The following ARHGAP23 variants were observed in gnomAD, a reference collection of about 807,000 sequenced individuals.
ARHGAP23 encodes Rho GTPase activating protein 23, also known as rho GTPase-activating protein 23.
A neutral mutation model predicts 136.3 loss-of-function variants in ARHGAP23; 34 were observed. That is an observed-to-expected ratio of 0.25 (90% CI 0.19 to 0.33). The LOEUF is 0.33. Ranked by LOEUF, ARHGAP23 falls within the 10% of genes least tolerant of loss-of-function variation. The probability of loss-of-function intolerance (pLI) is 1.00; values close to 1 mark genes in which losing one functional copy is unlikely to be tolerated. For missense variants in ARHGAP23, 1,808 were observed against 2,139.0 expected (o/e 0.85, Z 3.05); for synonymous variants, 832 against 920.5 (o/e 0.90, Z 1.74).
At chr17:38,498,636 C>T (rs1340229283) in intron 22 of ARHGAP23, 126 bp downstream of exon 22, 4 of 800,160 alleles carry the variant, frequency 5.0e-6, no homozygotes, top group Non-Finnish European at 5.7e-6. Context: ...CTGCCGGCCA[C>T]CATGGAGATG....
intron 23 of ARHGAP23, among the ~76,000 whole-genome samples, chr17:38,509,252 T>C (rs899264239): frequency 6.6e-6 from 1 of 151,422 alleles, no homozygotes; most frequent in African/African-American, 2.4e-5. Flanking sequence ...CAACTTGGGG[T>C]TGGAAATCAC....
chr17:38,499,844 T>C (rs996719134), intron 22 of ARHGAP23, among the ~76,000 whole-genome samples: 1 of 152,066 alleles, frequency 6.6e-6, no homozygotes, highest in African/African-American at 2.4e-5. Context: ...GCTCCTTCTT[T>C]AGCCTTGGAG....
At chr17:38,461,034 C>G in intron 3 of ARHGAP23, 102 bp downstream of exon 3, 2 of 1,480,102 alleles carry the variant, frequency 1.4e-6, no homozygotes, top group East Asian at 2.5e-5. Flanking sequence ...TCTGTGCCCC[C>G]CTCCCTTGAC....
chr17:38,482,288 G>T, intron 15 of ARHGAP23, 145 bp downstream of exon 15: 3 of 1,409,796 alleles, frequency 2.1e-6, no homozygotes, highest in Non-Finnish European at 2.8e-6. Context: ...GAAGGCCCCC[G>T]CCTGCCCCGG....
At position 38,510,114 on chromosome 17, in the gene ARHGAP23, G is replaced by A; in HGVS notation, c.3618G>A (p.Ala1206=). The A allele has an allele frequency of 2.4e-6, 3 of 1,258,474 alleles. No homozygotes were observed. The highest frequency in any genetic ancestry group is 2.0e-6 in the Non-Finnish European group (2 of 1,006,906). The allele number at this position is 1,258,474 out of a possible 1,614,324, so 78.0% of individuals were successfully genotyped here. A position where few individuals can be genotyped will look rare whatever the true frequency, so the allele number is the denominator to read the frequency against. Residue 1206 remains alanine, a synonymous_variant, in exon 24 of 24, where the codon GCG becomes GCA. Transcript: ENST00000622683. This position sits in a 1 kb window ranked among gnomAD's most constrained non-coding sequence, Gnocchi z 4.6. ...EAHKPGAGAT[A]PGTQERPQGP... is the part of the protein sequence containing the mutation. ...ACAAGCCTGGGGCGGGGGCCACAGC[G>A]CCGGGGACTCAGGAGCGGCCGCAGG...
At chr17:38,460,841 C>T in intron 2 of ARHGAP23, 64 bp from the exon 3 acceptor site, 34 of 1,535,970 alleles carry the variant, frequency 2.2e-5, no homozygotes, top group Non-Finnish European at 2.9e-5. Flanking sequence ...CCCACTGGAG[C>T]TGGGCCACCC....
chr17:38,507,163 ACT>A (rs1478636845), intron 23 of ARHGAP23, among the ~76,000 whole-genome samples: 1 of 151,782 alleles, frequency 6.6e-6, no homozygotes, highest in African/African-American at 2.4e-5. Context: ...AATCCCAGCT[ACT>A]CGGGAGGCTG....
intron 23 of ARHGAP23, among the ~76,000 whole-genome samples, chr17:38,502,434 C>T (rs1685189447): frequency 6.6e-6 from 1 of 152,226 alleles, no homozygotes; most frequent in Non-Finnish European, 1.5e-5. Flanking sequence ...GATAATACCA[C>T]AAATACTTGT....
intron 1 of ARHGAP23, among the ~76,000 whole-genome samples, chr17:38,429,394 A>C (rs1277338103): frequency 6.6e-6 from 1 of 152,144 alleles, no homozygotes; most frequent in African/African-American, 2.4e-5. Context: ...CCCTGCTCCT[A>C]AGTTGAAGGG....
chr17:38,449,335 C>G (rs545407174), intron 1 of ARHGAP23, among the ~76,000 whole-genome samples: 1 of 152,318 alleles, frequency 6.6e-6, no homozygotes, highest in Non-Finnish European at 1.5e-5. Context: ...GGAACCATCC[C>G]CTACCCGTGG....
Position 38,477,687 on chromosome 17 carries a change from G to T in ARHGAP23, c.2227G>T (p.Ala743Ser), listed in dbSNP as rs1271995996. 2.2e-6 allele frequency: 3 copies of T among 1,381,052 alleles called. No homozygotes were observed. Among genetic ancestry groups the T allele is most frequent in the Non-Finnish European group, 2.8e-6 (3 of 1,064,144 alleles). The allele number at this position is 1,381,052 out of a possible 1,614,324, so 85.5% of individuals were successfully genotyped here. A position where few individuals can be genotyped will look rare whatever the true frequency, so the allele number is the denominator to read the frequency against. The change falls in exon 12 of 24, where the codon GCT (alanine) becomes TCT (serine). Residue 743 changes from alanine (A) to serine (S), a missense_variant. Physicochemically the swap from Ala to Ser is moderately conservative, Grantham distance 99. Around this residue, in one of 7 missense-constraint regions of ARHGAP23, gnomAD observed 139 missense variants for 264.3 expected, o/e 0.53. Transcript: ENST00000622683. This position sits in a 1 kb window ranked among gnomAD's most constrained non-coding sequence, Gnocchi z 6.6. ...RREPGPAAAGAAAAGAGEDEA... is the reference protein window; with the variant it reads ...RREPGPAAAGSAAAGAGEDEA... ...GGAGCCCGGGCCGGCGGCGGCGGGG[G>T]CTGCGGCGGCCGGCGCAGGTGAGGA...
chr17:38,478,524 C>T (rs1219724141), intron 12 of ARHGAP23, among the ~76,000 whole-genome samples: 2 of 151,930 alleles, frequency 1.3e-5, no homozygotes, highest in African/African-American at 4.8e-5. Context: ...AAGTGATTCT[C>T]CTGCCTTAGC....
At chr17:38,428,397 C>G (rs1311938015), upstream of ARHGAP23, 2 of 530,270 alleles carry the variant, frequency 3.8e-6, no homozygotes, top group Middle Eastern at 6.0e-4. Context: ...CCCCACACCG[C>G]GCTCGGCCCC....
Position 38,510,729 on chromosome 17 carries a change from G to T in ARHGAP23, c.4233G>T (p.Gln1411His). The T allele has an allele frequency of 6.8e-7, 1 of 1,474,136 alleles. No homozygotes were observed. Among genetic ancestry groups the T allele is most frequent in the Non-Finnish European group, 9.0e-7 (1 of 1,115,868 alleles). 91.3% of individuals were successfully genotyped at this position (1,474,136 alleles called of 1,614,324 possible). The change falls in exon 24 of 24, where the codon CAG (glutamine) becomes CAT (histidine). Residue 1411 changes from glutamine (Q) to histidine (H), a missense_variant. Physicochemically the swap from Gln to His is conservative, Grantham distance 24. Around this residue, in one of 7 missense-constraint regions of ARHGAP23, gnomAD observed 506 missense variants for 455.8 expected, o/e 1.11. Coordinates refer to ENST00000622683, the MANE Select transcript of ARHGAP23 (RefSeq NM_001199417.2). This position sits in a 1 kb window ranked among gnomAD's most constrained non-coding sequence, Gnocchi z 4.6. ...GGCGCCGCCACACCGTGGTGGTGCA[G>T]AGCCCGCTGACTGACCTCAACTTCA... ...SSWRRHTVVV[Q>H]SPLTDLNFNE...
intron 11 of ARHGAP23, among the ~76,000 whole-genome samples, chr17:38,476,999 G>A (rs1445885672): frequency 6.6e-6 from 1 of 152,178 alleles, no homozygotes; most frequent in Non-Finnish European, 1.5e-5. Flanking sequence ...AGGGTCTGGA[G>A]AGGGAAGGAG....
At chr17:38,498,977 C>T (rs1414487520) in intron 22 of ARHGAP23, 38 of 699,662 alleles carry the variant, frequency 5.4e-5, no homozygotes, top group Middle Eastern at 3.6e-4. Context: ...GTCGCGGCCT[C>T]GGTCACTAAC....
intron 23 of ARHGAP23, among the ~76,000 whole-genome samples, chr17:38,503,883 G>A (rs1474124541): frequency 6.6e-6 from 1 of 152,248 alleles, no homozygotes; most frequent in African/African-American, 2.4e-5. Flanking sequence ...AGATGAAAGA[G>A]GAGGGAATGC....
chr17:38,444,754 C>A (rs953047796), intron 1 of ARHGAP23, among the ~76,000 whole-genome samples: 1 of 151,772 alleles, frequency 6.6e-6, no homozygotes, highest in Non-Finnish European at 1.5e-5. Flanking sequence ...TCCTGGGCAA[C>A]CTCTGTGGGC....
chr17:38,426,624 G>A (rs1425432372), upstream of ARHGAP23, among the ~76,000 whole-genome samples: 4 of 151,490 alleles, frequency 2.6e-5, no homozygotes, highest in Non-Finnish European at 5.9e-5. Flanking sequence ...CTTTCCAGAA[G>A]TGGAGGCTAA....
Sources: gnomAD v4.1 joint callset for allele counts (sites outside exome capture counted in the v4.1 genomes callset) on GRCh38, gnomAD v4.1.1 for gene constraint, gnomAD v4.1.1 regional missense constraint, Gnocchi (gnomAD v3.1) non-coding constraint, MANE v1.5 for transcripts, NCBI Gene and HGNC (gene_info 2026-07-23, HGNC 2026-07-21) for gene names.